The following ARID5B variants were observed in gnomAD, a reference collection of about 807,000 sequenced individuals.
ARID5B encodes AT-rich interactive domain-containing protein 5B.
Under a neutral mutation model 97.2 loss-of-function variants are expected in ARID5B, and 13 were observed. That is an observed-to-expected ratio of 0.13 (90% CI 0.09 to 0.21). The LOEUF is 0.21. Ranked by LOEUF, ARID5B falls within the 10% of genes least tolerant of loss-of-function variation. The pLI, the probability that ARID5B is intolerant of heterozygous loss-of-function variation, is 1.00. For synonymous variants in ARID5B, 556 were observed against 570.3 expected (o/e 0.97, Z 0.36); for missense variants, 1,210 against 1,465.3 (o/e 0.83, Z 2.84).
At chr10:62,053,163 ATCATC>A (rs1589275968) in intron 5 of ARID5B, among the ~76,000 whole-genome samples, 2 of 152,314 alleles carry the variant, frequency 1.3e-5, no homozygotes, top group East Asian at 3.9e-4. Flanking sequence ...TGACCATCTA[ATCATC>A]TGTTGAATTG....
At chr10:62,018,457 A>G (rs1839311412) in intron 4 of ARID5B, among the ~76,000 whole-genome samples, 1 of 152,140 alleles carries the variant, frequency 6.6e-6, no homozygotes, top group Admixed American at 6.5e-5. Context: ...TGAACTGCAC[A>G]TTGGAAGGCT....
At position 62,092,938 on chromosome 10, in the gene ARID5B, C is replaced by T; in HGVS notation, c.3475C>T (p.His1159Tyr). The T allele has an allele frequency of 2.5e-6, 4 of 1,614,176 alleles. No individual in the cohort carries two copies. The highest frequency in any genetic ancestry group is 2.5e-6 in the Non-Finnish European group (3 of 1,180,028). The change falls in exon 10 of 10, where the codon CAT (histidine) becomes TAT (tyrosine). Residue 1159 changes from histidine (H) to tyrosine (Y), a missense_variant. Physicochemically the swap from His to Tyr is moderately conservative, Grantham distance 83. Transcript: ENST00000279873. Reference protein sequence around the residue: ...PVGSSYGDLLHNSIYPLAAIN... With the variant: ...PVGSSYGDLLYNSIYPLAAIN... ...AGGAAGTTCATATGGGGACCTTTTGCATAACAGCATTTACCCTTTAGCTGC... is the reference window on the plus strand; with the variant it reads ...AGGAAGTTCATATGGGGACCTTTTGTATAACAGCATTTACCCTTTAGCTGC...
chr10:61,987,084 G>A (rs1838857258), intron 3 of ARID5B, among the ~76,000 whole-genome samples: 1 of 152,218 alleles, frequency 6.6e-6, no homozygotes, highest in Non-Finnish European at 1.5e-5. Context: ...CTTGGCCAGA[G>A]CTGCCAGGCC....
chr10:62,094,766 C>A lies in ARID5B; in HGVS notation c.*1736C>A. 1 of 231,940 alleles carries A rather than the reference C, an allele frequency of 4.3e-6. No homozygotes were observed. Among genetic ancestry groups the A allele is most frequent in the Non-Finnish European group, 8.5e-6 (1 of 117,228 alleles). The allele number at this position is 231,940 out of a possible 1,614,324, so 14.4% of individuals were successfully genotyped here. ...AGACCGCTTGGATGAACTCCCCAACCCACTGTGCCCCTCCCGCAACACTAC... is the reference window on the plus strand; with the variant it reads ...AGACCGCTTGGATGAACTCCCCAACACACTGTGCCCCTCCCGCAACACTAC... On this transcript the variant is annotated 3_prime_UTR_variant, in exon 10 of 10. Transcript: ENST00000279873.
At chr10:61,970,285 A>G (rs932011535) in intron 3 of ARID5B, among the ~76,000 whole-genome samples, 4 of 152,236 alleles carry the variant, frequency 2.6e-5, no homozygotes, top group Non-Finnish European at 4.4e-5. Context: ...CCTGCTGTGG[A>G]CATTAGCCTT....
intron 2 of ARID5B, among the ~76,000 whole-genome samples, chr10:61,904,410 T>A (rs558727477): frequency 6.6e-6 from 1 of 152,346 alleles, no homozygotes; most frequent in South Asian, 2.1e-4. Context: ...TTGCCAAACG[T>A]TGCATCTGCT....
chr10:62,084,390 A>T (rs142489001), intron 8 of ARID5B, among the ~76,000 whole-genome samples: 88 of 152,372 alleles, frequency 5.8e-4, no homozygotes, highest in African/African-American at 1.9e-3. Flanking sequence ...ATTTTAGGAT[A>T]GCAAACCAAT....
chr10:61,982,271 T>C (rs1195055456), intron 3 of ARID5B, among the ~76,000 whole-genome samples: 2 of 152,134 alleles, frequency 1.3e-5, no homozygotes, highest in Non-Finnish European at 2.9e-5. Context: ...TTCATGGTGA[T>C]TTTTTAAAAA....
chr10:61,996,610 G>C (rs1839000143), intron 3 of ARID5B, among the ~76,000 whole-genome samples: 1 of 152,068 alleles, frequency 6.6e-6, no homozygotes, highest in South Asian at 2.1e-4. Flanking sequence ...TTGTTGTGAG[G>C]AACAAAAGAG....
chr10:61,974,309 T>C (rs1428938639), intron 3 of ARID5B, among the ~76,000 whole-genome samples: 1 of 152,232 alleles, frequency 6.6e-6, no homozygotes, highest in Admixed American at 6.5e-5. Flanking sequence ...TTCTAGGGTC[T>C]TTTTTGTTCT....
intron 3 of ARID5B, among the ~76,000 whole-genome samples, chr10:61,979,841 C>G (rs960378309): frequency 6.6e-6 from 1 of 152,170 alleles, no homozygotes; most frequent in African/African-American, 2.4e-5. Flanking sequence ...CCTGTAATCC[C>G]AGCACTTTGG....
intron 2 of ARID5B, among the ~76,000 whole-genome samples, chr10:61,910,014 C>T (rs553755390): frequency 1.3e-5 from 2 of 152,336 alleles, no homozygotes; most frequent in South Asian, 2.1e-4. Flanking sequence ...AGAAGATTCA[C>T]TCCTCGCCTG....
rs1204871703 is a variant in ARID5B, at chr10:62,069,829, A to G, written c.1199+32A>G. 7 of 1,602,142 alleles carry G rather than the reference A, an allele frequency of 4.4e-6. No homozygotes were observed. In the East Asian group the frequency reaches 8.9e-5, roughly 20 times the overall value. On this transcript the variant is annotated intron_variant, in intron 8 of 9. Coordinates refer to ENST00000279873, the MANE Select transcript of ARID5B (RefSeq NM_032199.3). ...AACCATTTCATGGAATTGCTTAGTT[A>G]AAAGTGTGTTAATTGAAAGGAGCTT...
At chr10:61,957,758 C>T in intron 3 of ARID5B, among the ~76,000 whole-genome samples, 1 of 152,132 alleles carries the variant, frequency 6.6e-6, no homozygotes, top group East Asian at 1.9e-4. Flanking sequence ...TGTAATTTGA[C>T]CTTTTAAGAA....
At chr10:61,908,193 T>A (rs1843736588) in intron 2 of ARID5B, among the ~76,000 whole-genome samples, 1 of 152,238 alleles carries the variant, frequency 6.6e-6, no homozygotes, top group Non-Finnish European at 1.5e-5. Flanking sequence ...ATTGTCTATT[T>A]TGAGTTAATA....
intron 2 of ARID5B, among the ~76,000 whole-genome samples, chr10:61,925,749 C>T (rs988386933): frequency 6.6e-6 from 1 of 152,172 alleles, no homozygotes; most frequent in Non-Finnish European, 1.5e-5. Flanking sequence ...CAGGCTGCAG[C>T]CGACCAGGTT....
intron 3 of ARID5B, among the ~76,000 whole-genome samples, chr10:61,963,419 G>GAT (rs1333546175): frequency 2.6e-5 from 4 of 152,122 alleles, no homozygotes; most frequent in Non-Finnish European, 2.9e-5. Flanking sequence ...AAGGGGCACA[G>GAT]ACCCACACCA....
At chr10:62,017,964 A>C (rs1057415698) in intron 4 of ARID5B, among the ~76,000 whole-genome samples, 2 of 152,258 alleles carry the variant, frequency 1.3e-5, no homozygotes, top group Non-Finnish European at 2.9e-5. Flanking sequence ...TATAAATGCC[A>C]GAGAAAGCCA....
At chr10:62,028,528 C>T (rs1418900143) in intron 4 of ARID5B, among the ~76,000 whole-genome samples, 2 of 152,172 alleles carry the variant, frequency 1.3e-5, no homozygotes, top group African/African-American at 4.8e-5. Flanking sequence ...CATTGTCACT[C>T]ACCACCTGTG....
Sources: allele counts gnomAD v4.1 joint callset (sites outside exome capture counted in the v4.1 genomes callset), GRCh38; gene constraint gnomAD v4.1.1; transcripts MANE v1.5; gene names NCBI Gene and HGNC (gene_info 2026-07-23, HGNC 2026-07-21).